The following CAMK4 variants were observed in gnomAD, a reference collection of about 807,000 sequenced individuals.
The protein encoded by CAMK4 is calcium/calmodulin-dependent protein kinase type IV.
CAMK4 carries 22 observed loss-of-function variants against 44.9 expected under a neutral mutation model. The ratio of observed to expected loss-of-function variants is 0.49; its 90% CI spans 0.35 to 0.70. The LOEUF (loss-of-function observed/expected upper bound fraction) is 0.70, where lower values mean the gene tolerates loss of function less well. Among genes scored for constraint, CAMK4 ranks in the 30% least tolerant of loss-of-function variants. The pLI, the probability that CAMK4 is intolerant of heterozygous loss-of-function variation, is 0.01. For missense variants in CAMK4, 498 were observed against 586.8 expected, an observed-to-expected ratio of 0.85 and a Z score of 1.56; for synonymous variants, 218 against 215.4, an observed-to-expected ratio of 1.01 and a Z score of -0.11.
At chr5:111,415,963 C>T (rs1182486784) in intron 5 of CAMK4, among the ~76,000 whole-genome samples, 1 of 152,086 alleles carries the variant, frequency 6.6e-6, no homozygotes, top group East Asian at 1.9e-4. Context: ...TGTATGCAAA[C>T]ACTACACCAT....
upstream of CAMK4, chr5:111,223,984 C>A (rs1307336062): frequency 6.5e-6 from 1 of 153,778 alleles, no homozygotes; most frequent in African/African-American, 2.4e-5. The surrounding 1 kb of genome is among the most constrained non-coding windows in gnomAD (Gnocchi z 4.3). Flanking sequence ...ACGCCTGGCG[C>A]CCGCCATCCC....
chr5:111,481,557 C>A (rs552975716), intron 9 of CAMK4, among the ~76,000 whole-genome samples: 1 of 152,302 alleles, frequency 6.6e-6, no homozygotes, highest in East Asian at 1.9e-4. Flanking sequence ...CCTATGTTCA[C>A]GTCTCCTTAG....
chr5:111,335,346 A>T lies in CAMK4; in HGVS notation c.162-8678A>T, dbSNP rs1305274423. Among the ~76,000 whole-genome samples, 5 of 151,370 alleles carry T rather than the reference A, an allele frequency of 3.3e-5. No homozygotes were observed. The Admixed American group carries it at 3.3e-4, about 10-fold the overall frequency. ...TATTAATATGAACCCAGACTTCCTA[A>T]TTCCATTTTGAATCAGATTTGATCT... is the stretch of plus-strand genomic sequence containing the variant. On this transcript the variant is annotated intron_variant, in intron 1 of 10. Coordinates refer to ENST00000282356, the MANE Select transcript of CAMK4 (RefSeq NM_001744.6).
intron 9 of CAMK4, among the ~76,000 whole-genome samples, chr5:111,479,461 C>T (rs1025649845): frequency 3.3e-5 from 5 of 152,092 alleles, no homozygotes; most frequent in Non-Finnish European, 5.9e-5. Flanking sequence ...CATCAATCCA[C>T]TAGAGAACAA....
chr5:111,308,113 G>C (rs1190913666), intron 1 of CAMK4, among the ~76,000 whole-genome samples: 10 of 117,282 alleles, frequency 8.5e-5, no homozygotes, highest in African/African-American at 3.1e-4. Context: ...GGTCGGGGGA[G>C]GGGGGAGGGA....
chr5:111,440,029 T>A (rs1020074664), intron 5 of CAMK4, among the ~76,000 whole-genome samples: 6 of 152,142 alleles, frequency 3.9e-5, no homozygotes, highest in African/African-American at 1.4e-4. Context: ...CTGACTAGAA[T>A]AGGAAATAAT....
chr5:111,360,282 C>T (rs1330883040), intron 2 of CAMK4, among the ~76,000 whole-genome samples: 2 of 151,992 alleles, frequency 1.3e-5, no homozygotes, highest in East Asian at 1.9e-4. Context: ...CTGTTATTTC[C>T]CACTGGCCTC....
At chr5:111,367,261 A>G (rs936406543) in intron 2 of CAMK4, among the ~76,000 whole-genome samples, 25 of 151,568 alleles carry the variant, frequency 1.6e-4, no homozygotes, top group African/African-American at 6.1e-4. Context: ...ACAGAGAGAA[A>G]CAGAACTGAA....
intron 1 of CAMK4, among the ~76,000 whole-genome samples, chr5:111,289,394 A>G (rs1217456902): frequency 6.6e-6 from 1 of 152,200 alleles, no homozygotes; most frequent in Non-Finnish European, 1.5e-5. Context: ...TCAAATATCC[A>G]GCTTACATAA....
At chr5:111,340,859 G>A (rs556787405) in intron 1 of CAMK4, among the ~76,000 whole-genome samples, 39 of 150,472 alleles carry the variant, frequency 2.6e-4, no homozygotes, top group South Asian at 1.5e-3. Flanking sequence ...TTTGTTTTTT[G>A]ATGGGAAACT....
At chr5:111,248,960 G>A (rs1208161141) in intron 1 of CAMK4, among the ~76,000 whole-genome samples, 3 of 150,044 alleles carry the variant, frequency 2.0e-5, no homozygotes, top group Non-Finnish European at 4.4e-5. Context: ...CTATTGCGGG[G>A]GCGGTGTGTG....
rs145633003 is a variant in CAMK4 at position 111,224,530 on chromosome 5, C to G, written c.47C>G (p.Ser16Trp). The G allele has an allele frequency of 6.2e-7, 1 of 1,611,060 alleles. No homozygotes were observed. Among genetic ancestry groups the G allele is most frequent in the African/African-American group, 1.3e-5 (1 of 74,772 alleles). The change falls in exon 1 of 11, where the codon TCG becomes TGG. Residue 16 changes from serine (S) to tryptophan (W), a missense_variant. Physicochemically the swap from Ser to Trp is radical, Grantham distance 177 (BLOSUM62 -3). This residue lies in a region of CAMK4 where 152 missense variants were observed against 143.7 expected (regional missense o/e 1.06). Transcript: ENST00000282356. The surrounding 1 kb of genome is among the most constrained non-coding windows in gnomAD (Gnocchi z 5.7). ...VPSCSASSCSSVTASAAPGTA... is the reference protein window; with the variant it reads ...VPSCSASSCSWVTASAAPGTA... ...TCCTGCTCCGCCTCGTCCTGCTCTTCGGTCACCGCCAGTGCGGCCCCGGGG... is the reference window on the plus strand; with the variant it reads ...TCCTGCTCCGCCTCGTCCTGCTCTTGGGTCACCGCCAGTGCGGCCCCGGGG...
At chr5:111,239,782 C>G (rs973338927) in intron 1 of CAMK4, among the ~76,000 whole-genome samples, 8 of 152,150 alleles carry the variant, frequency 5.3e-5, no homozygotes, top group African/African-American at 1.9e-4. Flanking sequence ...TGGAGGGATT[C>G]TAGGTGATTG....
intron 1 of CAMK4, among the ~76,000 whole-genome samples, chr5:111,329,807 ATCTC>A (rs1352207329): frequency 6.6e-6 from 1 of 151,866 alleles, no homozygotes; most frequent in Admixed American, 6.6e-5. Flanking sequence ...AGAAAAATAA[ATCTC>A]TCAGCAAAGT....
intron 5 of CAMK4, among the ~76,000 whole-genome samples, chr5:111,434,114 T>A (rs1023849717): frequency 4.6e-5 from 7 of 152,034 alleles, no homozygotes; most frequent in African/African-American, 1.7e-4. Flanking sequence ...GCCAACATGG[T>A]GAAACCCCGT....
chr5:111,434,708 T>A (rs1753587066), intron 5 of CAMK4, among the ~76,000 whole-genome samples: 1 of 152,210 alleles, frequency 6.6e-6, no homozygotes, highest in Admixed American at 6.5e-5. Context: ...CTACTAGGTC[T>A]CCAAAGCAGA....
chr5:111,271,302 C>G (rs1216354746), intron 1 of CAMK4, among the ~76,000 whole-genome samples: 1 of 152,200 alleles, frequency 6.6e-6, no homozygotes, highest in Non-Finnish European at 1.5e-5. Flanking sequence ...CTCATGAACT[C>G]TCTCTGGGTT....
intron 1 of CAMK4, chr5:111,265,795 T>A (rs951924687): frequency 6.6e-6 from 1 of 152,182 alleles, no homozygotes; most frequent in African/African-American, 2.4e-5. Flanking sequence ...GTGAGATGAA[T>A]AGGAAATGCT....
At chr5:111,245,797 AAACTT>A in intron 1 of CAMK4, among the ~76,000 whole-genome samples, 1 of 152,280 alleles carries the variant, frequency 6.6e-6, no homozygotes, top group Admixed American at 6.5e-5. Flanking sequence ...GATATAAACA[AAACTT>A]AACACAAAAC....
Sources: allele counts gnomAD v4.1 joint callset (sites outside exome capture counted in the v4.1 genomes callset), GRCh38; gene constraint gnomAD v4.1.1; regional missense constraint gnomAD v4.1.1; non-coding constraint Gnocchi (gnomAD v3.1); transcripts MANE v1.5; gene names NCBI Gene and HGNC (gene_info 2026-07-23, HGNC 2026-07-21).